The following CSMD1 variants were observed in gnomAD, a reference collection of about 807,000 sequenced individuals.
The protein encoded by CSMD1 is CUB and Sushi multiple domains 1.
Under a neutral mutation model 417.5 loss-of-function variants are expected in CSMD1, and 213 were observed. The ratio of observed to expected loss-of-function variants is 0.51; its 90% CI spans 0.46 to 0.57. The LOEUF is 0.57. Ranked by LOEUF, CSMD1 falls within the 20% of genes least tolerant of loss-of-function variation. The pLI is 0.00. For missense variants in CSMD1, 6,923 were observed against 4,529.7 expected, an observed-to-expected ratio of 1.53 and a Z score of -15.17; for synonymous variants, 2,862 against 1,736.8, an observed-to-expected ratio of 1.65 and a Z score of -16.11.
chr8:3,860,876 T>G (rs908740223), intron 5 of CSMD1, among the ~76,000 whole-genome samples: 1 of 152,212 alleles, frequency 6.6e-6, no homozygotes, highest in Non-Finnish European at 1.5e-5. Context: ...AAAGTTCACT[T>G]TAAGTTCAGG....
chr8:4,008,757 T>A, intron 4 of CSMD1, among the ~76,000 whole-genome samples: 1 of 151,852 alleles, frequency 6.6e-6, no homozygotes, highest in East Asian at 1.9e-4. Flanking sequence ...AATACAGGCA[T>A]CCGGCACCAC....
At chr8:4,783,574 G>C (rs1797261475) in intron 1 of CSMD1, among the ~76,000 whole-genome samples, 1 of 152,216 alleles carries the variant, frequency 6.6e-6, no homozygotes, top group South Asian at 2.1e-4. Context: ...CTAGCTGTGA[G>C]TTGTTCAAAT....
chr8:3,281,991 A>T (rs1156328903), intron 26 of CSMD1, among the ~76,000 whole-genome samples: 1 of 152,140 alleles, frequency 6.6e-6, no homozygotes, highest in African/African-American at 2.4e-5. Context: ...CGGTCGTGGA[A>T]GATGTGACTG....
chr8:3,737,145 A>G (rs964777850), intron 6 of CSMD1, among the ~76,000 whole-genome samples: 1 of 152,258 alleles, frequency 6.6e-6, no homozygotes, highest in African/African-American at 2.4e-5. Context: ...AGATGGGAAC[A>G]GAGACAATTA....
intron 52 of CSMD1, among the ~76,000 whole-genome samples, chr8:3,003,785 T>G (rs1807636129): frequency 6.6e-6 from 1 of 152,018 alleles, no homozygotes; most frequent in Non-Finnish European, 1.5e-5. Flanking sequence ...GTGAAAGAGG[T>G]GGCATTTAAA....
intron 69 of CSMD1, 118 bp from the exon 70 acceptor site, chr8:2,938,862 G>T: frequency 1.2e-6 from 1 of 849,796 alleles, no homozygotes; most frequent in Non-Finnish European, 1.8e-6. Context: ...CAGGACGTTT[G>T]CAAAGAAGGA....
At chr8:4,308,409 G>A (rs376842557) in intron 3 of CSMD1, among the ~76,000 whole-genome samples, 9 of 147,166 alleles carry the variant, frequency 6.1e-5, no homozygotes, top group African/African-American at 2.4e-4. Flanking sequence ...GCATGTGTGT[G>A]TGTGTTATGT....
intron 61 of CSMD1, 94 bp from the exon 62 acceptor site, chr8:2,961,308 A>T: frequency 4.7e-6 from 3 of 633,786 alleles, no homozygotes; most frequent in Non-Finnish European, 8.0e-6. Flanking sequence ...TGAAATAGAG[A>T]AAATATTGTT....
intron 3 of CSMD1, among the ~76,000 whole-genome samples, chr8:4,233,860 A>T (rs977552106): frequency 1.3e-5 from 2 of 152,080 alleles, no homozygotes; most frequent in African/African-American, 4.8e-5. Context: ...TAAAGAATCT[A>T]ATCCTGAGAA....
chr8:4,246,598 A>G (rs970771926), intron 3 of CSMD1, among the ~76,000 whole-genome samples: 2 of 152,200 alleles, frequency 1.3e-5, no homozygotes, highest in Non-Finnish European at 2.9e-5. Flanking sequence ...GTAGAATTTG[A>G]TATGATGGGT....
chr8:3,967,563 T>C (rs1402861862), intron 5 of CSMD1, among the ~76,000 whole-genome samples: 1 of 151,918 alleles, frequency 6.6e-6, no homozygotes, highest in African/African-American at 2.4e-5. Context: ...GTTCAGCAAA[T>C]ATCACCAGCT....
chr8:4,235,521 A>C (rs770318674), intron 3 of CSMD1, among the ~76,000 whole-genome samples: 1 of 152,158 alleles, frequency 6.6e-6, no homozygotes, highest in Non-Finnish European at 1.5e-5. Flanking sequence ...AAGTAATGGT[A>C]CATACATGAA....
chr8:3,332,054 TATCA>T (rs1197086363), intron 23 of CSMD1, among the ~76,000 whole-genome samples: 1 of 152,216 alleles, frequency 6.6e-6, no homozygotes, highest in Non-Finnish European at 1.5e-5. Flanking sequence ...GATCATAGAT[TATCA>T]ATCAATAGAT....
chr8:3,262,219 A>ATATATATC (rs1801130502), intron 26 of CSMD1, among the ~76,000 whole-genome samples: 1 of 129,578 alleles, frequency 7.7e-6, no homozygotes, highest in African/African-American at 3.2e-5. Context: ...ATATATATAT[A>ATATATATC]TATATATATA....
intron 2 of CSMD1, among the ~76,000 whole-genome samples, chr8:4,574,491 C>T (rs1489103252): frequency 6.6e-6 from 1 of 152,168 alleles, no homozygotes; most frequent in Non-Finnish European, 1.5e-5. Context: ...GATCCATGTA[C>T]CTCAGAGGGA....
At chr8:3,580,340 C>T (rs13275823) in intron 9 of CSMD1, among the ~76,000 whole-genome samples, 50,105 of 151,856 alleles carry the variant, frequency 0.33, 10,008 homozygotes, top group Middle Eastern at 0.44. Flanking sequence ...TTTGGAAGGA[C>T]GTGGGTTCAG....
chr8:4,306,214 A>G (rs1163898370), intron 3 of CSMD1, among the ~76,000 whole-genome samples: 3 of 152,188 alleles, frequency 2.0e-5, no homozygotes, highest in South Asian at 2.1e-4. Context: ...GCTCTTCAGA[A>G]AAGTTCTTCC....
At chr8:4,522,935 G>C (rs1209388441) in intron 2 of CSMD1, among the ~76,000 whole-genome samples, 5 of 152,110 alleles carry the variant, frequency 3.3e-5, no homozygotes, top group African/African-American at 1.2e-4. Context: ...TGTTATCCTT[G>C]CTCTACTAGG....
At chr8:4,458,553 G>C (rs867103272) in intron 2 of CSMD1, among the ~76,000 whole-genome samples, 2 of 151,848 alleles carry the variant, frequency 1.3e-5, no homozygotes, top group East Asian at 3.9e-4. Context: ...AATGTTAACT[G>C]TTACTCTTTG....
Sources: gnomAD v4.1 joint callset for allele counts (sites outside exome capture counted in the v4.1 genomes callset) on GRCh38, gnomAD v4.1.1 for gene constraint, MANE v1.5 for transcripts, NCBI Gene and HGNC (gene_info 2026-07-23, HGNC 2026-07-21) for gene names.